Variants in INTS5 observed in about 807,000 individuals in gnomAD.
The protein encoded by INTS5 is KIAA1698.
Under a neutral mutation model 60.0 loss-of-function variants are expected in INTS5, and 29 were observed. The observed-to-expected ratio is 0.48, with a 90% CI of 0.36 to 0.66. INTS5 has a LOEUF of 0.66. Among genes scored for constraint, INTS5 ranks in the 30% least tolerant of loss-of-function variants. INTS5 has a pLI of 0.00. For missense variants in INTS5, 1,129 were observed against 1,307.9 expected, an observed-to-expected ratio of 0.86 and a Z score of 2.11; for synonymous variants, 588 against 558.8, an observed-to-expected ratio of 1.05 and a Z score of -0.74.
Position 62,647,509 on chromosome 11 carries a change from G to C in INTS5, c.2571C>G (p.Leu857=). 1 of 1,610,870 alleles carries C rather than the reference G, an allele frequency of 6.2e-7. No individual in the cohort carries two copies. Among genetic ancestry groups the C allele is most frequent in the Non-Finnish European group, 8.5e-7 (1 of 1,178,294 alleles). ...CTGCTACCAGCTTTAACAGCTCAAA[G>C]AGCAGGGGCTGTTCGCGGAAGCGCC... ...IGRRFREQPL[L]FELLKLVAAA... The change falls in exon 2 of 2, where the codon CTC becomes CTG. Residue 857 remains leucine (L), a synonymous_variant. Coordinates refer to ENST00000330574, the MANE Select transcript of INTS5 (RefSeq NM_030628.2).
chr11:62,647,343 C>A lies in INTS5; in HGVS notation c.2737G>T (p.Val913Phe). ...GGCAGGAGGCTTCCCTCAGCCATGACAGCCACTAAGGTGCAGGATGCCTCC... is the reference window on the plus strand; with the variant it reads ...GGCAGGAGGCTTCCCTCAGCCATGAAAGCCACTAAGGTGCAGGATGCCTCC... Reference protein sequence around the residue: ...HLEASCTLVAVMAEGSLLPPA... With the variant: ...HLEASCTLVAFMAEGSLLPPA... The change falls in exon 2 of 2, where the codon GTC becomes TTC. Residue 913 changes from valine to phenylalanine, a missense_variant. This residue lies in a region of INTS5 where 1,070 missense variants were observed against 1,246.1 expected (regional missense o/e 0.86). Transcript: ENST00000330574. 6.2e-7 allele frequency: 1 copy of A among 1,614,000 alleles called. No homozygotes were observed. Among genetic ancestry groups the A allele is most frequent in the Non-Finnish European group, 8.5e-7 (1 of 1,180,040 alleles).
intron 1 of INTS5, among the ~76,000 whole-genome samples, chr11:62,650,906 G>A (rs1944587997): frequency 6.6e-6 from 1 of 152,016 alleles, no homozygotes; most frequent in African/African-American, 2.4e-5. Flanking sequence ...ATGAGGTCTG[G>A]CTATGTTCCA....
chr11:62,650,556 G>A (rs922130143), intron 1 of INTS5, among the ~76,000 whole-genome samples: 1 of 152,128 alleles, frequency 6.6e-6, no homozygotes, highest in Non-Finnish European at 1.5e-5. Flanking sequence ...GGGACTACAG[G>A]TGTGTGCCAC....
Position 62,648,964 on chromosome 11 carries a change from C to G in INTS5, c.1116G>C (p.Leu372=). The part of the protein sequence containing the change: ...CLKPPAVLSQ[L]QQHLQGFPRE... Reference sequence around the variant, plus strand: ...GGGGGAATCCTTGAAGGTGTTGCTGCAGCTGGCTCAGCACAGCTGGGGGCT... The same window carrying G: ...GGGGGAATCCTTGAAGGTGTTGCTGGAGCTGGCTCAGCACAGCTGGGGGCT... Residue 372 remains leucine, a synonymous_variant, in exon 2 of 2, where the codon CTG becomes CTC. Transcript: ENST00000330574. The surrounding 1 kb of genome is among the most constrained non-coding windows in gnomAD (Gnocchi z 4.4). 2 of 1,612,738 alleles carry G rather than the reference C, an allele frequency of 1.2e-6. No individual in the cohort carries two copies. Among genetic ancestry groups the G allele is most frequent in the Non-Finnish European group, 1.7e-6 (2 of 1,179,314 alleles).
chr11:62,647,194 G>A lies in INTS5; in HGVS notation c.2886C>T (p.Phe962=). The part of the protein sequence containing the change: ...EHGPLPQKFI[F]QSERGRFIRD... ...GAATGAAGCGACCCCGCTCTGATTG[G>A]AAGATGAACTTCTGAGGCAAGGGCC... Residue 962 remains phenylalanine, a synonymous_variant, in exon 2 of 2, where the codon TTC becomes TTT. Transcript: ENST00000330574. 6.2e-7 allele frequency: 1 copy of A among 1,614,222 alleles called. No homozygotes were observed.
rs1203853416 is a variant in INTS5 at position 62,647,942 on chromosome 11, T to C, written c.2138A>G (p.Asn713Ser). 4 of 1,614,182 alleles carry C rather than the reference T, an allele frequency of 2.5e-6. No individual in the cohort carries two copies. Among genetic ancestry groups the C allele is most frequent in the Non-Finnish European group, 3.4e-6 (4 of 1,180,032 alleles). The change falls in exon 2 of 2, where the codon AAT becomes AGT. Residue 713 changes from asparagine (N) to serine (S), a missense_variant. Physicochemically the swap from Asn to Ser is conservative, Grantham distance 46. This residue lies in a region of INTS5 where 1,070 missense variants were observed against 1,246.1 expected (regional missense o/e 0.86). Transcript: ENST00000330574. ...ELFGGQVDGD[N>S]ETLSVVSASL... ...AGCTGAAACAACTGAGAGAGTCTCA[T>C]TGTCCCCATCTACTTGCCCACCAAA...
At chr11:62,651,129 G>A (rs1032716935) in intron 1 of INTS5, among the ~76,000 whole-genome samples, 7 of 151,076 alleles carry the variant, frequency 4.6e-5, no homozygotes, top group South Asian at 2.1e-4. Flanking sequence ...CCCCCGCCCC[G>A]AGAGGGAGTC....
At position 62,647,571 on chromosome 11, in the gene INTS5, CGT is replaced by C; in HGVS notation, c.2507_2508del (p.His836ArgfsTer23). The C allele has an allele frequency of 6.2e-7, 1 of 1,613,888 alleles. No individual in the cohort carries two copies. Among genetic ancestry groups the C allele is most frequent in the Non-Finnish European group, 8.5e-7 (1 of 1,180,022 alleles). ...GAELAWPPEEHARATVERDLR... is the reference protein window; with the variant it reads ...GAELAWPPEEXARATVERDLR... ...AGATCCCGCTCCACGGTGGCCCGGG[CGT>C]GTTCCTCGGGGGGCCAGGCCAGCTC... On this transcript the variant is annotated frameshift_variant, in exon 2 of 2. Transcript: ENST00000330574. LOFTEE classifies it high-confidence loss of function.
At position 62,647,764 on chromosome 11, in the gene INTS5, C is replaced by G; in HGVS notation, c.2316G>C (p.Val772=). The G allele has an allele frequency of 6.2e-7, 1 of 1,614,178 alleles. No individual in the cohort carries two copies. Among genetic ancestry groups the G allele is most frequent in the Non-Finnish European group, 8.5e-7 (1 of 1,180,044 alleles). ...TGAGGAGGCTCTGGGTGTTATAGAT[C>G]ACTTCCTGCTGATTTCGTGACTGGA... The part of the protein sequence containing the change: ...KFVQSRNQQE[V]IYNTQSLLSL... The change falls in exon 2 of 2, where the codon GTG becomes GTC. Residue 772 remains valine (V), a synonymous_variant. Transcript: ENST00000330574.
intron 1 of INTS5, among the ~76,000 whole-genome samples, chr11:62,652,967 G>T (rs1944607851): frequency 6.6e-6 from 1 of 152,244 alleles, no homozygotes; most frequent in Admixed American, 6.5e-5. Context: ...TTGGAGTCTA[G>T]CGAGAGGCAG....
chr11:62,652,369 A>ACC (rs930701061), intron 1 of INTS5, among the ~76,000 whole-genome samples: 15 of 137,546 alleles, frequency 1.1e-4, no homozygotes, highest in Admixed American at 7.5e-5. Flanking sequence ...TTCTACCACC[A>ACC]CCCCCGCCCC....
At chr11:62,650,131 T>C in intron 1 of INTS5, 132 bp from the exon 2 acceptor site, 1 of 720,560 alleles carries the variant, frequency 1.4e-6, no homozygotes, top group Non-Finnish European at 2.3e-6. Context: ...GAATTTTTTT[T>C]TTTGAGATGG....
chr11:62,647,454 C>T lies in INTS5; in HGVS notation c.2626G>A (p.Val876Met), dbSNP rs148477859. The stretch of plus-strand genomic sequence containing the variant: ...GCGGCCAGCAGCCCCCGAAGCAGCA[C>T]GGAACAGTAGCACAGGGCTGGGGGT... ...AAPPALCYCS[V>M]LLRGLLAALL... The change falls in exon 2 of 2, where the codon GTG (valine) becomes ATG (methionine). Residue 876 changes from valine (V) to methionine (M), a missense_variant. Physicochemically the swap from Val to Met is conservative, Grantham distance 21 (BLOSUM62 1). Coordinates refer to ENST00000330574, the MANE Select transcript of INTS5 (RefSeq NM_030628.2). 2 of 1,606,742 alleles carry T rather than the reference C, an allele frequency of 1.2e-6. No homozygotes were observed. The highest frequency in any genetic ancestry group is 1.7e-6 in the Non-Finnish European group (2 of 1,175,616).
Position 62,648,234 on chromosome 11 carries a change from G to A in INTS5, c.1846C>T (p.His616Tyr). ...GCTTCAGCTACTTCCTCCTCAGGATGTAGCAGGAGAGGAGCCAGGTCAGAC... is the reference window on the plus strand; with the variant it reads ...GCTTCAGCTACTTCCTCCTCAGGATATAGCAGGAGAGGAGCCAGGTCAGAC... Reference protein sequence around the residue: ...HLSDLAPLLLHPEEEVAEAAA... With the variant: ...HLSDLAPLLLYPEEEVAEAAA... The change falls in exon 2 of 2, where the codon CAT becomes TAT. Residue 616 changes from histidine to tyrosine, a missense_variant. His to Tyr is a moderately conservative substitution (Grantham distance 83, BLOSUM62 2). Transcript: ENST00000330574. The surrounding 1 kb of genome is among the most constrained non-coding windows in gnomAD (Gnocchi z 4.4). The A allele has an allele frequency of 1.2e-6, 2 of 1,613,834 alleles. No individual in the cohort carries two copies. The highest frequency in any genetic ancestry group is 1.7e-6 in the Non-Finnish European group (2 of 1,180,010).
intron 1 of INTS5, among the ~76,000 whole-genome samples, chr11:62,651,742 C>T (rs1183129245): frequency 2.6e-5 from 4 of 151,726 alleles, no homozygotes; most frequent in African/African-American, 9.7e-5. Context: ...CATGTGCCTG[C>T]GGTCCCACCT....
rs776582437 is a variant in INTS5 at position 62,648,173 on chromosome 11, G to A, written c.1907C>T (p.Ser636Phe). 3.7e-6 allele frequency: 6 copies of A among 1,613,290 alleles called. No individual in the cohort carries two copies. In the South Asian group the frequency reaches 5.5e-5, roughly 15 times the overall value. Residue 636 changes from serine to phenylalanine, a missense_variant, in exon 2 of 2, where the codon TCT becomes TTT. Around this residue, in one of 3 missense-constraint regions of INTS5, gnomAD observed 1,070 missense variants for 1,246.1 expected, o/e 0.86. Coordinates refer to ENST00000330574, the MANE Select transcript of INTS5 (RefSeq NM_030628.2). The surrounding 1 kb of genome is among the most constrained non-coding windows in gnomAD (Gnocchi z 4.4). ...ASLLAICPFP[S>F]EALSPSQLLG... ...GAGCTGGGAGGGGGATAAGGCTTCAGAAGGAAAGGGACAAATGGCCAGGAG... is the reference window on the plus strand; with the variant it reads ...GAGCTGGGAGGGGGATAAGGCTTCAAAAGGAAAGGGACAAATGGCCAGGAG...
Position 62,649,393 on chromosome 11 carries a change from A to G in INTS5, c.687T>C (p.His229=). The G allele has an allele frequency of 6.2e-7, 1 of 1,614,176 alleles. No homozygotes were observed. Among genetic ancestry groups the G allele is most frequent in the Non-Finnish European group, 8.5e-7 (1 of 1,180,026 alleles). ...HSPHFDWVVA[H]IGSSFPGTII... Reference sequence around the variant, plus strand: ...TGGTGCCAGGAAAAGAGGAGCCAATATGTGCCACAACCCAGTCAAAGTGTG... The same window carrying G: ...TGGTGCCAGGAAAAGAGGAGCCAATGTGTGCCACAACCCAGTCAAAGTGTG... Residue 229 remains histidine (H), a synonymous_variant, in exon 2 of 2, where the codon CAT becomes CAC. Transcript: ENST00000330574. This position sits in a 1 kb window ranked among gnomAD's most constrained non-coding sequence, Gnocchi z 6.0.
chr11:62,650,388 T>A (rs1238399305), intron 1 of INTS5, among the ~76,000 whole-genome samples: 1 of 151,878 alleles, frequency 6.6e-6, no homozygotes, highest in African/African-American at 2.4e-5. Flanking sequence ...AGTGTTGGGA[T>A]TACAGGCGTG....
Position 62,646,863 on chromosome 11 carries a change from G to T in INTS5, c.*157C>A. The T allele has an allele frequency of 1.3e-6, 1 of 770,418 alleles. No homozygotes were observed. The allele number at this position is 770,418 out of a possible 1,614,324, so 47.7% of individuals were successfully genotyped here. A position where few individuals can be genotyped will look rare whatever the true frequency, so the allele number is the denominator to read the frequency against. The stretch of plus-strand genomic sequence containing the variant: ...AGCACTGGACTGGTTTTCTCAAGTT[G>T]GCAAATTTTATTTAGAAAAAAAAAA... On this transcript the variant is annotated 3_prime_UTR_variant, in exon 2 of 2. Coordinates refer to ENST00000330574, the MANE Select transcript of INTS5 (RefSeq NM_030628.2).
Sources: allele counts gnomAD v4.1 joint callset (sites outside exome capture counted in the v4.1 genomes callset), GRCh38; gene constraint gnomAD v4.1.1; regional missense constraint gnomAD v4.1.1; non-coding constraint Gnocchi (gnomAD v3.1); transcripts MANE v1.5; gene names NCBI Gene and HGNC (gene_info 2026-07-23, HGNC 2026-07-21).